MEGF6: variants seen among roughly 807,000 people sequenced by gnomAD.
MEGF6 encodes multiple epidermal growth factor-like domains protein 6.
Under a neutral mutation model 207.1 loss-of-function variants are expected in MEGF6, and 184 were observed. The observed-to-expected ratio is 0.89, with a 90% CI of 0.79 to 1.00. MEGF6 has a LOEUF of 1.00. Among genes scored for constraint, MEGF6 ranks in the 50% least tolerant of loss-of-function variants. MEGF6 has a pLI of 0.00. For missense variants in MEGF6, 2,282 were observed against 2,202.9 expected, an observed-to-expected ratio of 1.04 and a Z score of -0.72; for synonymous variants, 1,038 against 910.0, an observed-to-expected ratio of 1.14 and a Z score of -2.53.
At chr1:3,553,295 C>A (rs1642939697) in intron 4 of MEGF6, among the ~76,000 whole-genome samples, 1 of 152,068 alleles carries the variant, frequency 6.6e-6, no homozygotes, top group Non-Finnish European at 1.5e-5. Flanking sequence ...ACTCCGGGTA[C>A]CCTGTGAGCC....
At position 3,541,833 on chromosome 1, in the gene MEGF6, G is replaced by A. The variant is rs1475219443; in HGVS notation, c.482-17587C>T. Among the ~76,000 whole-genome samples, 4 of 152,118 alleles carry A rather than the reference G, an allele frequency of 2.6e-5. No individual in the cohort carries two copies. The East Asian group carries it at 7.7e-4, about 29-fold the overall frequency. ...ACAGGGGCTCCCTGGGGGCACCGTG[G>A]GGGGAGTCTCTGGTGGTCCCTGCTA... On this transcript the variant is annotated intron_variant, in intron 4 of 36. Coordinates refer to ENST00000356575, the MANE Select transcript of MEGF6 (RefSeq NM_001409.4).
At chr1:3,536,948 G>GC (rs1182283497) in intron 4 of MEGF6, among the ~76,000 whole-genome samples, 1 of 152,274 alleles carries the variant, frequency 6.6e-6, no homozygotes, top group Admixed American at 6.5e-5. Flanking sequence ...GCTCCACAAG[G>GC]CCCCCCTCCA....
At position 3,492,166 on chromosome 1, in the gene MEGF6, C is replaced by G. The variant is rs763327234; in HGVS notation, c.4516+473G>C. Among the ~76,000 whole-genome samples the G allele has an allele frequency of 2.6e-5, 4 of 152,214 alleles. No individual in the cohort carries two copies. In the South Asian group the frequency reaches 6.2e-4, roughly 24 times the overall value. On this transcript the variant is annotated intron_variant, in intron 35 of 36. Transcript: ENST00000356575. The stretch of plus-strand genomic sequence containing the variant: ...ACTGGGTGCCACACACATGTACTGG[C>G]ACACATGCACACACACCCTGCTGTA...
At chr1:3,499,321 GCAGC>G in intron 23 of MEGF6, 55 bp from the exon 24 acceptor site, 1 of 1,549,412 alleles carries the variant, frequency 6.5e-7, no homozygotes, top group South Asian at 1.2e-5. Flanking sequence ...CCAGGGGTTG[GCAGC>G]AGATCACAGC....
At chr1:3,530,316 G>A (rs1045230663) in intron 4 of MEGF6, among the ~76,000 whole-genome samples, 2 of 152,222 alleles carry the variant, frequency 1.3e-5, no homozygotes, top group Admixed American at 6.5e-5. Context: ...AGCTAAGGAG[G>A]GGTGACGTCT....
At chr1:3,615,228 TG>T (rs1644368161), upstream of MEGF6, among the ~76,000 whole-genome samples, 1 of 152,210 alleles carries the variant, frequency 6.6e-6, no homozygotes, top group Non-Finnish European at 1.5e-5. Flanking sequence ...CGTCAAACTT[TG>T]GGAAGGGCAG....
chr1:3,587,592 G>A (rs917485346), intron 3 of MEGF6, among the ~76,000 whole-genome samples: 9 of 152,240 alleles, frequency 5.9e-5, no homozygotes, highest in African/African-American at 2.2e-4. Flanking sequence ...CCGGAAGCAC[G>A]AAGGAGAACC....
At chr1:3,533,154 G>T (rs1642227531) in intron 4 of MEGF6, among the ~76,000 whole-genome samples, 1 of 152,204 alleles carries the variant, frequency 6.6e-6, no homozygotes, top group Admixed American at 6.5e-5. Context: ...GGGCACCTGG[G>T]AGCAAGGGCT....
intron 11 of MEGF6, 98 bp from the exon 12 acceptor site, chr1:3,509,343 A>C (rs1641245572): frequency 8.9e-7 from 1 of 1,118,560 alleles, no homozygotes; most frequent in Admixed American, 3.6e-5. Context: ...CACCCCAGGG[A>C]ACCCCACCAC....
chr1:3,603,459 C>T (rs372930575), intron 1 of MEGF6, among the ~76,000 whole-genome samples: 82 of 152,242 alleles, frequency 5.4e-4, no homozygotes, highest in East Asian at 3.9e-3. Flanking sequence ...CTCCAGTGCT[C>T]GTGTCCCACT....
chr1:3,563,493 GAA>G (rs1643260022), intron 4 of MEGF6, among the ~76,000 whole-genome samples: 1 of 152,222 alleles, frequency 6.6e-6, no homozygotes, highest in East Asian at 1.9e-4. Context: ...GTAGGTCCCT[GAA>G]AACAGGCCAT....
At chr1:3,536,204 C>G (rs1264056835) in intron 4 of MEGF6, among the ~76,000 whole-genome samples, 1 of 152,116 alleles carries the variant, frequency 6.6e-6, no homozygotes, top group Non-Finnish European at 1.5e-5. Context: ...GCCTCCCCAG[C>G]TGGCCGGCCC....
chr1:3,526,883 G>A (rs185303107), intron 4 of MEGF6, among the ~76,000 whole-genome samples: 67 of 152,288 alleles, frequency 4.4e-4, no homozygotes, highest in African/African-American at 1.6e-3. Context: ...TGGAGGCCCC[G>A]CCTGCTGACC....
intron 2 of MEGF6, among the ~76,000 whole-genome samples, chr1:3,600,094 T>C (rs1282639010): frequency 6.6e-6 from 1 of 152,090 alleles, no homozygotes; most frequent in East Asian, 1.9e-4. Context: ...CGGCCTGGGC[T>C]GCAGCGCCAG....
rs1286635088 is a variant in MEGF6 at position 3,490,528 on chromosome 1, C to T, written c.4626G>A (p.Ter1542=). ...TSRSGGPARH[*] ...GGCGGGCTCCACGGGACTGCCTCTA[C>T]TAGTGCCTCGCTGGTCCACCGCTCC... Residue 1542 remains the stop codon, a stop_retained_variant, in exon 37 of 37, where the codon TAG becomes TAA. Transcript: ENST00000356575. 7 of 1,612,844 alleles carry T rather than the reference C, an allele frequency of 4.3e-6. No individual in the cohort carries two copies. The African/African-American group carries it at 5.3e-5, about 12-fold the overall frequency.
chr1:3,497,508 C>T (rs1205684102), intron 26 of MEGF6, 147 bp from the exon 27 acceptor site: 9 of 1,072,758 alleles, frequency 8.4e-6, no homozygotes, highest in Non-Finnish European at 9.2e-6. Flanking sequence ...ACACCTGGAG[C>T]CCCCCGCCAC....
At chr1:3,490,802 C>CG in intron 36 of MEGF6, 110 bp downstream of exon 36, 5 of 1,395,520 alleles carry the variant, frequency 3.6e-6, no homozygotes, top group Non-Finnish European at 5.0e-6. Context: ...CCCAAGGCCC[C>CG]GGGTGCAGCT....
At chr1:3,616,268 A>G (rs968949039), upstream of MEGF6, among the ~76,000 whole-genome samples, 14 of 152,186 alleles carry the variant, frequency 9.2e-5, no homozygotes, top group Non-Finnish European at 1.6e-4. Context: ...ATTTCTGTCA[A>G]TCCAAGAAAA....
chr1:3,624,585 CGCGACCCTCCGTGCAGT>C, the MEGF6 span: 1 of 152,448 alleles, frequency 6.6e-6, no homozygotes, highest in Non-Finnish European at 1.5e-5. Context: ...TCCCCGGCAC[CGCGACCCTCCGTGCAGT>C]GCGAGCCCCC....
Sources: allele counts gnomAD v4.1 joint callset (sites outside exome capture counted in the v4.1 genomes callset), GRCh38; gene constraint gnomAD v4.1.1; transcripts MANE v1.5; gene names NCBI Gene and HGNC (gene_info 2026-07-23, HGNC 2026-07-21).